Variants in CDH4 observed in about 807,000 individuals in gnomAD.
CDH4 encodes cadherin 4.
A neutral mutation model predicts 86.0 loss-of-function variants in CDH4; 33 were observed. That is an observed-to-expected ratio of 0.38 (90% CI 0.29 to 0.51). CDH4 has a LOEUF of 0.51. Ranked by LOEUF, CDH4 falls within the 20% of genes least tolerant of loss-of-function variation. CDH4 has a pLI of 0.86. For missense variants in CDH4, 1,114 were observed against 1,307.4 expected (o/e 0.85, Z 2.28); for synonymous variants, 555 against 549.4 (o/e 1.01, Z -0.14).
At chr20:61,280,062 G>A (rs1296720111) in intron 2 of CDH4, among the ~76,000 whole-genome samples, 2 of 152,118 alleles carry the variant, frequency 1.3e-5, no homozygotes, top group African/African-American at 2.4e-5. Flanking sequence ...TGTGAAGTGC[G>A]GGGCCTCCCA....
chr20:61,428,382 C>T (rs574494943), intron 2 of CDH4, among the ~76,000 whole-genome samples: 1 of 152,266 alleles, frequency 6.6e-6, no homozygotes, highest in East Asian at 1.9e-4. Flanking sequence ...AGATTCTACT[C>T]GTGGATGTCT....
intron 2 of CDH4, among the ~76,000 whole-genome samples, chr20:61,710,862 C>T (rs1279382260): frequency 6.6e-6 from 1 of 152,230 alleles, no homozygotes; most frequent in East Asian, 1.9e-4. Context: ...GGGGTCCCTG[C>T]CCTCATGAAG....
intron 2 of CDH4, among the ~76,000 whole-genome samples, chr20:61,665,026 G>T (rs1203972846): frequency 2.0e-5 from 3 of 152,234 alleles, no homozygotes; most frequent in African/African-American, 7.2e-5. Context: ...TTGAGTAAAT[G>T]AAAATCTCTA....
chr20:61,493,215 C>G (rs1017456679), intron 2 of CDH4, among the ~76,000 whole-genome samples: 1 of 152,214 alleles, frequency 6.6e-6, no homozygotes, highest in African/African-American at 2.4e-5. Flanking sequence ...GTAGCCCACA[C>G]TCGCTGTGGG....
intron 2 of CDH4, among the ~76,000 whole-genome samples, chr20:61,284,243 G>C (rs2084281123): frequency 6.6e-6 from 1 of 152,042 alleles, no homozygotes; most frequent in Non-Finnish European, 1.5e-5. Context: ...GAACCCGGGA[G>C]GCATAGCTTG....
chr20:61,394,882 C>G (rs1194374839), intron 2 of CDH4, among the ~76,000 whole-genome samples: 19 of 137,520 alleles, frequency 1.4e-4, no homozygotes, highest in Non-Finnish European at 2.7e-4. Context: ...TGTGAGCCCT[C>G]ACAACCCTGC....
At position 61,659,314 on chromosome 20, in the gene CDH4, G is replaced by A. The variant is rs184680726; in HGVS notation, c.170-84249G>A. On this transcript the variant is annotated intron_variant, in intron 2 of 15. Coordinates refer to ENST00000614565, the MANE Select transcript of CDH4 (RefSeq NM_001794.5). ...AAAAGAAGCACAATTGATCCGCTAC[G>A]GAGAGAAACAGAGTTTTATAGAATG... 1.5e-3 allele frequency among the ~76,000 whole-genome samples: 221 copies of A among 152,298 alleles called. 1 individual carries two copies. The highest frequency in any genetic ancestry group is 4.9e-3 in the African/African-American group (202 of 41,560).
rs949662018 is a variant in CDH4 at position 61,501,864 on chromosome 20, A to G, written c.170-241699A>G. On this transcript the variant is annotated intron_variant, in intron 2 of 15. Transcript: ENST00000614565. This position sits in a 1 kb window ranked among gnomAD's most constrained non-coding sequence, Gnocchi z 4.2. ...TAACGCTGGACACGTGTGTCCTTGTATATACCTGTTGCGCCTGCGAGAACA... is the reference window on the plus strand; with the variant it reads ...TAACGCTGGACACGTGTGTCCTTGTGTATACCTGTTGCGCCTGCGAGAACA... Among the ~76,000 whole-genome samples the G allele has an allele frequency of 6.6e-6, 1 of 152,136 alleles. No individual in the cohort carries two copies. Among genetic ancestry groups the G allele is most frequent in the African/African-American group, 2.4e-5 (1 of 41,424 alleles).
At chr20:61,353,044 C>G (rs1006878965) in intron 2 of CDH4, among the ~76,000 whole-genome samples, 1 of 152,178 alleles carries the variant, frequency 6.6e-6, no homozygotes, top group Admixed American at 6.5e-5. Context: ...CCCCTCCCCT[C>G]TCTTAGCTCC....
rs1258137450 is a variant in CDH4 at position 61,269,389 on chromosome 20, A to C, written c.169+14452A>C. Among the ~76,000 whole-genome samples, 1 of 152,066 alleles carries C rather than the reference A, an allele frequency of 6.6e-6. No individual in the cohort carries two copies. The highest frequency in any genetic ancestry group is 2.4e-5 in the African/African-American group (1 of 41,404). ...GTATACCCCGTTGCCTGGAGAGTCC[A>C]CATTTCTAATCCTTAGCCATCAGCT... On this transcript the variant is annotated intron_variant, in intron 2 of 15. Coordinates refer to ENST00000614565, the MANE Select transcript of CDH4 (RefSeq NM_001794.5). The surrounding 1 kb of genome is among the most constrained non-coding windows in gnomAD (Gnocchi z 5.3).
At chr20:61,538,850 G>A (rs1446482021) in intron 2 of CDH4, among the ~76,000 whole-genome samples, 3 of 152,238 alleles carry the variant, frequency 2.0e-5, no homozygotes, top group Non-Finnish European at 2.9e-5. Flanking sequence ...GGGGCTGGGC[G>A]GAAATGCTAA....
chr20:61,451,169 T>A (rs1252532619), intron 2 of CDH4, among the ~76,000 whole-genome samples: 2 of 151,054 alleles, frequency 1.3e-5, no homozygotes, highest in East Asian at 3.9e-4. Context: ...GCATGTTTCT[T>A]CAATAGAGTC....
chr20:61,720,478 T>G (rs2088025548), intron 2 of CDH4, among the ~76,000 whole-genome samples: 1 of 121,982 alleles, frequency 8.2e-6, no homozygotes, highest in Admixed American at 9.1e-5. Context: ...GGGTGGAGAA[T>G]GCAGGGGTGT....
intron 3 of CDH4, among the ~76,000 whole-genome samples, chr20:61,747,922 C>T (rs1355404597): frequency 7.0e-6 from 1 of 141,972 alleles, no homozygotes; most frequent in Non-Finnish European, 1.5e-5. Flanking sequence ...GCCCTGTGAA[C>T]TCTATGCAGG....
chr20:61,359,137 C>T (rs541155573), intron 2 of CDH4, among the ~76,000 whole-genome samples: 3 of 152,248 alleles, frequency 2.0e-5, no homozygotes, highest in Non-Finnish European at 2.9e-5. Flanking sequence ...TGGGAAGTTT[C>T]GGTGTCAGTG....
In CDH4 at chr20:61,937,080, T is replaced by C. The variant is rs934700421; in HGVS notation, c.*137T>C. On this transcript the variant is annotated 3_prime_UTR_variant, in exon 16 of 16. Transcript: ENST00000614565. ...GTTAGGAGGCCCCCCAATCCCCACG[T>C]TGAGCTGTCTAGCATGAGCACCCAC... is the stretch of plus-strand genomic sequence containing the variant. 3.2e-5 allele frequency: 21 copies of C among 661,730 alleles called. No individual in the cohort carries two copies. Among genetic ancestry groups the C allele is most frequent in the Non-Finnish European group, 3.1e-5 (13 of 424,200 alleles). 41.0% of individuals were successfully genotyped at this position (661,730 alleles called of 1,614,324 possible).
chr20:61,447,391 C>T (rs1198845262), intron 2 of CDH4, among the ~76,000 whole-genome samples: 1 of 142,582 alleles, frequency 7.0e-6, no homozygotes, highest in African/African-American at 2.6e-5. Flanking sequence ...CCAAGCTGGG[C>T]TCAAACTCCT....
intron 7 of CDH4, among the ~76,000 whole-genome samples, chr20:61,874,921 C>T (rs62204968): frequency 0.29 from 43,534 of 152,152 alleles, 7,710 homozygotes; most frequent in Non-Finnish European, 0.4. Context: ...GGCAGCTCCT[C>T]GGTCTTGCTG....
intron 2 of CDH4, among the ~76,000 whole-genome samples, chr20:61,630,373 G>A (rs73304702): frequency 0.048 from 7,343 of 152,264 alleles, 210 homozygotes; most frequent in Middle Eastern, 0.082. Flanking sequence ...TCTTGACCAC[G>A]GTCAGCAGGG....
Sources: allele counts gnomAD v4.1 joint callset (sites outside exome capture counted in the v4.1 genomes callset), GRCh38; gene constraint gnomAD v4.1.1; non-coding constraint Gnocchi (gnomAD v3.1); transcripts MANE v1.5; gene names NCBI Gene and HGNC (gene_info 2026-07-23, HGNC 2026-07-21).